Variants in HMCN1 observed in about 807,000 individuals in gnomAD.
HMCN1 encodes the protein hemicentin 1, also known as hemicentin-1.
Under a neutral mutation model 625.9 loss-of-function variants are expected in HMCN1, and 321 were observed. The ratio of observed to expected loss-of-function variants is 0.51; its 90% CI spans 0.47 to 0.56. HMCN1 has a LOEUF of 0.56. Among genes scored for constraint, HMCN1 ranks in the 20% least tolerant of loss-of-function variants. The pLI is 0.00. For missense variants in HMCN1, 6,588 were observed against 6,887.3 expected (o/e 0.96, Z 1.54); for synonymous variants, 2,425 against 2,417.6 (o/e 1.00, Z -0.09).
rs548390576 is a variant in HMCN1, at chr1:185,770,389, A to C, written c.268+35342A>C. Among the ~76,000 whole-genome samples the C allele has an allele frequency of 2.3e-4, 35 of 152,362 alleles. No homozygotes were observed. In the South Asian group the frequency reaches 6.8e-3, roughly 30 times the overall value. On this transcript the variant is annotated intron_variant, in intron 1 of 106. Transcript: ENST00000271588. ...TGGGTAGTTGCAATATAGAAAATATAAAGTGTGCTGTATAAATGTTTTTTA... is the reference window on the plus strand; with the variant it reads ...TGGGTAGTTGCAATATAGAAAATATCAAGTGTGCTGTATAAATGTTTTTTA...
At chr1:185,942,930 T>TA (rs1160285762) in intron 11 of HMCN1, among the ~76,000 whole-genome samples, 1 of 152,042 alleles carries the variant, frequency 6.6e-6, no homozygotes, top group Admixed American at 6.6e-5. Flanking sequence ...TTTTTTTTTT[T>TA]AATAATGGAT....
At chr1:185,876,852 T>C (rs1663970459) in intron 4 of HMCN1, among the ~76,000 whole-genome samples, 1 of 152,098 alleles carries the variant, frequency 6.6e-6, no homozygotes, top group African/African-American at 2.4e-5. Context: ...TTTCTCCCTT[T>C]CTATTGGTTT....
In HMCN1 at chr1:185,869,048, C is replaced by T. The variant is rs150164728; in HGVS notation, c.621+3185C>T. On this transcript the variant is annotated intron_variant, in intron 4 of 106. Coordinates refer to ENST00000271588, the MANE Select transcript of HMCN1 (RefSeq NM_031935.3). ...CATCATAGCAATTCTAACCACCTCA[C>T]CAATTGTTGCAGGAAAGGATGTTTC... 1.6e-3 allele frequency among the ~76,000 whole-genome samples: 250 copies of T among 152,260 alleles called. 1 individual carries two copies. Among genetic ancestry groups the T allele is most frequent in the Non-Finnish European group, 3.0e-3 (202 of 68,010 alleles).
Position 186,088,283 on chromosome 1 carries a change from C to T in HMCN1, c.9577+7C>T. On this transcript the variant is annotated splice_region_variant and intron_variant, in intron 62 of 106. Transcript: ENST00000271588. The stretch of plus-strand genomic sequence containing the variant: ...AAGAACCACAAGCGCATAGGTAAGG[C>T]AACCATGCATTTTTGTGTGTGTGTG... 6.2e-7 allele frequency: 1 copy of T among 1,612,496 alleles called. No individual in the cohort carries two copies. The highest frequency in any genetic ancestry group is 1.7e-4 in the Middle Eastern group (1 of 6,052).
intron 1 of HMCN1, among the ~76,000 whole-genome samples, chr1:185,784,180 C>A (rs1657383852): frequency 6.6e-6 from 1 of 152,220 alleles, no homozygotes; most frequent in African/African-American, 2.4e-5. Context: ...TCCTGGTGTG[C>A]TGTTTGCTAA....
At chr1:185,855,705 A>G (rs770964878) in intron 2 of HMCN1, among the ~76,000 whole-genome samples, 2 of 152,190 alleles carry the variant, frequency 1.3e-5, no homozygotes, top group East Asian at 3.9e-4. Context: ...AGGTCCAACG[A>G]GTTGAAAGAT....
At position 185,993,277 on chromosome 1, in the gene HMCN1, A is replaced by G. The variant is rs2102037087; in HGVS notation, c.3473A>G (p.Asn1158Ser). 1 of 1,613,172 alleles carries G rather than the reference A, an allele frequency of 6.2e-7. No individual in the cohort carries two copies. The highest frequency in any genetic ancestry group is 8.5e-7 in the Non-Finnish European group (1 of 1,179,244). Residue 1158 changes from asparagine to serine, a missense_variant, in exon 23 of 107, where the codon AAT (asparagine) becomes AGT (serine). By Grantham distance (46) the Asn-to-Ser change is conservative. This residue lies in a region of HMCN1 where 4,628 missense variants were observed against 4,853.1 expected (regional missense o/e 0.95). Coordinates refer to ENST00000271588, the MANE Select transcript of HMCN1 (RefSeq NM_031935.3). ...YLCVATNIAG[N>S]VTQAVKLNVH... is the part of the protein sequence containing the mutation. Reference sequence around the variant, plus strand: ...TGTGTTGCCACAAATATTGCTGGGAATGTGACTCAGGCTGTCAAATTAAAT... The same window carrying G: ...TGTGTTGCCACAAATATTGCTGGGAGTGTGACTCAGGCTGTCAAATTAAAT...
intron 68 of HMCN1, among the ~76,000 whole-genome samples, chr1:186,096,967 T>C (rs1170238427): frequency 6.6e-6 from 1 of 152,168 alleles, no homozygotes; most frequent in East Asian, 1.9e-4. Flanking sequence ...AAGCCTTTCC[T>C]ACAAGGTCTA....
chr1:186,023,290 T>A (rs1571732426), intron 36 of HMCN1, 137 bp downstream of exon 36: 2 of 472,228 alleles, frequency 4.2e-6, no homozygotes, highest in Non-Finnish European at 6.9e-6. Flanking sequence ...AACCTAGGGT[T>A]TTTTTTTTTT....
In HMCN1 at chr1:186,081,194, A is replaced by C. The variant is rs1478599204; in HGVS notation, c.8600-13A>C. The C allele has an allele frequency of 1.2e-6, 2 of 1,610,136 alleles. No homozygotes were observed. The highest frequency in any genetic ancestry group is 2.2e-5 in the South Asian group (2 of 90,990). ...TTGCCCATTTTTCTCCCTTTGTTGC[A>C]ATCCTTTGTTAGTGCCGCCAATTAT... On this transcript the variant is annotated splice_polypyrimidine_tract_variant and intron_variant, in intron 55 of 106. Transcript: ENST00000271588.
chr1:185,758,844 A>AT lies in HMCN1; in HGVS notation c.268+23798dup, dbSNP rs538034859. Among the ~76,000 whole-genome samples the AT allele has an allele frequency of 5.9e-5, 9 of 152,050 alleles. No individual in the cohort carries two copies. In the South Asian group the frequency reaches 8.3e-4, roughly 14 times the overall value. On this transcript the variant is annotated intron_variant, in intron 1 of 106. Transcript: ENST00000271588. ...ATGCAGTTTTTTTTAATTAGTTCCC[A>AT]TAACAAATCTGTGAAGTAGTTGTTA...
In HMCN1 at chr1:185,923,390, G is replaced by T; in HGVS notation, c.1022G>T (p.Gly341Val). ...TGATAACAAAATCTTTCTCTTGTAG[G>T]AATACCTACCTATGTACTGCTCAAT... ...FKKTVSRPVQGIPTYVLLNTS... is the reference protein window; with the variant it reads ...FKKTVSRPVQVIPTYVLLNTS... The change falls in exon 8 of 107, where the codon GGA (glycine) becomes GTA (valine). Residue 341 changes from glycine to valine, a missense_variant and splice_region_variant. By Grantham distance (109) the Gly-to-Val change is moderately radical. This residue lies in a region of HMCN1 where 4,628 missense variants were observed against 4,853.1 expected (regional missense o/e 0.95). Transcript: ENST00000271588. 2 of 1,606,478 alleles carry T rather than the reference G, an allele frequency of 1.2e-6. No individual in the cohort carries two copies. Among genetic ancestry groups the T allele is most frequent in the Non-Finnish European group, 1.7e-6 (2 of 1,174,570 alleles).
chr1:186,088,742 T>C lies in HMCN1; in HGVS notation c.9714T>C (p.Phe3238=). ...AGGGAAAAGCCCAGAAATATTACTTTCTTTCAATTCAAGGTATGTATTGTC... is the reference window on the plus strand; with the variant it reads ...AGGGAAAAGCCCAGAAATATTACTTCCTTTCAATTCAAGGTATGTATTGTC... The part of the protein sequence containing the change: ...NMEGKAQKYY[F]LSIQVPPSVA... Residue 3238 remains phenylalanine, a synonymous_variant, in exon 63 of 107, where the codon TTT becomes TTC. Transcript: ENST00000271588. 6.2e-7 allele frequency: 1 copy of C among 1,608,214 alleles called. No individual in the cohort carries two copies. Among genetic ancestry groups the C allele is most frequent in the Non-Finnish European group, 8.5e-7 (1 of 1,176,200 alleles).
intron 5 of HMCN1, among the ~76,000 whole-genome samples, chr1:185,910,546 G>A (rs184641896): frequency 4.0e-5 from 6 of 151,310 alleles, no homozygotes; most frequent in Non-Finnish European, 7.4e-5. Flanking sequence ...AACATAGGAT[G>A]CTTATAACTT....
rs867635649 is a variant in HMCN1 at position 185,997,333 on chromosome 1, G to A, written c.3779-96G>A. 6.4e-5 allele frequency: 50 copies of A among 783,030 alleles called. No homozygotes were observed. The Middle Eastern group carries it at 9.0e-4, about 14-fold the overall frequency. The allele number at this position is 783,030 out of a possible 1,614,324, so 48.5% of individuals were successfully genotyped here. On this transcript the variant is annotated intron_variant, in intron 24 of 106. Coordinates refer to ENST00000271588, the MANE Select transcript of HMCN1 (RefSeq NM_031935.3). ...CATATTTAAAAGAAGAATCAGCAGAGATAGCAACTCATCAGTGCAGGTAGT... is the reference window on the plus strand; with the variant it reads ...CATATTTAAAAGAAGAATCAGCAGAAATAGCAACTCATCAGTGCAGGTAGT...
At chr1:185,772,570 CA>C (rs1656318934) in intron 1 of HMCN1, among the ~76,000 whole-genome samples, 1 of 151,988 alleles carries the variant, frequency 6.6e-6, no homozygotes, top group African/African-American at 2.4e-5. Flanking sequence ...ATTGGGTATT[CA>C]GAAGAAGAAA....
chr1:185,933,178 G>A (rs1291571403), intron 10 of HMCN1, among the ~76,000 whole-genome samples: 2 of 151,936 alleles, frequency 1.3e-5, no homozygotes, highest in Non-Finnish European at 2.9e-5. Flanking sequence ...TCTTTACAAC[G>A]CTAAATACAT....
intron 1 of HMCN1, among the ~76,000 whole-genome samples, chr1:185,784,652 A>G (rs1657431328): frequency 6.6e-6 from 1 of 152,144 alleles, no homozygotes; most frequent in Admixed American, 6.5e-5. Flanking sequence ...ACACACTGTC[A>G]TGGTAGGGAG....
intron 15 of HMCN1, among the ~76,000 whole-genome samples, chr1:185,975,247 T>A (rs141863666): frequency 1.3e-5 from 2 of 152,288 alleles, no homozygotes; most frequent in East Asian, 3.9e-4. Context: ...CACATTGCTA[T>A]AAAGAAATTC....
Sources: gnomAD v4.1 joint callset for allele counts (sites outside exome capture counted in the v4.1 genomes callset) on GRCh38, gnomAD v4.1.1 for gene constraint, gnomAD v4.1.1 regional missense constraint, MANE v1.5 for transcripts, NCBI Gene and HGNC (gene_info 2026-07-23, HGNC 2026-07-21) for gene names.